The following IL23R variants were observed in gnomAD, a reference collection of about 807,000 sequenced individuals.
The protein encoded by IL23R is interleukin-23 receptor.
Under a neutral mutation model 56.9 loss-of-function variants are expected in IL23R, and 34 were observed. The ratio of observed to expected loss-of-function variants is 0.60; its 90% CI spans 0.45 to 0.80. The LOEUF is 0.80. Among genes scored for constraint, IL23R ranks in the 30% least tolerant of loss-of-function variants. The pLI, the probability that IL23R is intolerant of heterozygous loss-of-function variation, is 0.00. For missense variants in IL23R, 635 were observed against 730.0 expected (o/e 0.87, Z 1.50); for synonymous variants, 230 against 249.2 (o/e 0.92, Z 0.73).
intron 1 of IL23R, among the ~76,000 whole-genome samples, chr1:67,160,391 G>A (rs1646807900): frequency 6.6e-6 from 1 of 152,190 alleles, no homozygotes; most frequent in African/African-American, 2.4e-5. Context: ...ATTGCCAATT[G>A]AATTGTAAAA....
intron 9 of IL23R, among the ~76,000 whole-genome samples, chr1:67,242,265 C>G (rs1029627623): frequency 3.3e-5 from 5 of 152,070 alleles, no homozygotes; most frequent in Admixed American, 2.0e-4. Context: ...ATATATGAAC[C>G]CTTAAAATTT....
chr1:67,245,909 G>T (rs561477209), intron 9 of IL23R, among the ~76,000 whole-genome samples: 34 of 152,264 alleles, frequency 2.2e-4, no homozygotes, highest in African/African-American at 8.2e-4. Flanking sequence ...TTGTACCTCT[G>T]GTAGAATGTG....
chr1:67,223,520 G>A lies in IL23R; in HGVS notation c.955+3790G>A, dbSNP rs142878969. On this transcript the variant is annotated intron_variant, in intron 7 of 10. Transcript: ENST00000347310. The stretch of plus-strand genomic sequence containing the variant: ...CATGAGAAACAGTAAAAGTGTGTTA[G>A]GGAAAGTGCTCATGTTAAATCTCTT... Among the ~76,000 whole-genome samples, 178 of 152,230 alleles carry A rather than the reference G, an allele frequency of 1.2e-3. 1 individual carries two copies. The highest frequency in any genetic ancestry group is 4.1e-3 in the African/African-American group (170 of 41,534).
At chr1:67,245,447 G>T (rs950572306) in intron 9 of IL23R, among the ~76,000 whole-genome samples, 3 of 152,134 alleles carry the variant, frequency 2.0e-5, no homozygotes, top group African/African-American at 7.2e-5. Context: ...CTGTGGGTTT[G>T]TCATAAATAG....
intron 9 of IL23R, among the ~76,000 whole-genome samples, chr1:67,245,936 G>T (rs1246858551): frequency 2.0e-5 from 3 of 152,100 alleles, no homozygotes; most frequent in South Asian, 2.1e-4. Context: ...AATCCGTCTG[G>T]TCCTGGACTT....
intron 9 of IL23R, among the ~76,000 whole-genome samples, chr1:67,248,394 C>G (rs1652383970): frequency 6.6e-6 from 1 of 152,148 alleles, no homozygotes; most frequent in African/African-American, 2.4e-5. Flanking sequence ...CTTTCTTCCA[C>G]TTGATTGACT....
chr1:67,260,019 G>A (rs1230396335), downstream of IL23R: 10 of 148,828 alleles, frequency 6.7e-5, no homozygotes, highest in Admixed American at 4.0e-4. Context: ...TGCAAAGGGA[G>A]AGGCAAGTTT....
At chr1:67,183,362 T>G (rs1647187405) in intron 4 of IL23R, among the ~76,000 whole-genome samples, 2 of 151,946 alleles carry the variant, frequency 1.3e-5, no homozygotes, top group Admixed American at 1.3e-4. Context: ...TGGTGAAACC[T>G]GGTTTCTACT....
intron 3 of IL23R, among the ~76,000 whole-genome samples, chr1:67,176,785 C>G (rs1399480065): frequency 6.6e-6 from 1 of 152,142 alleles, no homozygotes; most frequent in Admixed American, 6.6e-5. Context: ...TCCCTCCCCC[C>G]TCCTCCCACC....
chr1:67,237,962 G>A (rs1651592872), intron 8 of IL23R, among the ~76,000 whole-genome samples: 1 of 152,202 alleles, frequency 6.6e-6, no homozygotes, highest in Non-Finnish European at 1.5e-5. Flanking sequence ...CAAAGCCCCT[G>A]TCTTCATGGA....
At chr1:67,221,534 C>T (rs1017750902) in intron 7 of IL23R, among the ~76,000 whole-genome samples, 3 of 152,052 alleles carry the variant, frequency 2.0e-5, no homozygotes, top group Admixed American at 6.6e-5. Context: ...TTTATTCATG[C>T]CATTCAATAA....
chr1:67,174,981 A>C (rs1192574507), intron 3 of IL23R, among the ~76,000 whole-genome samples: 1 of 151,442 alleles, frequency 6.6e-6, no homozygotes, highest in African/African-American at 2.4e-5. Context: ...AGTGGTTTAG[A>C]AAAAGTGCCT....
At chr1:67,261,027 A>T (rs1653186984), downstream of IL23R, among the ~76,000 whole-genome samples, 1 of 152,220 alleles carries the variant, frequency 6.6e-6, no homozygotes, top group Non-Finnish European at 1.5e-5. Flanking sequence ...AGTTAATTTT[A>T]AAAAGACTCA....
chr1:67,201,559 A>C (rs549391162), intron 5 of IL23R, among the ~76,000 whole-genome samples: 191 of 151,878 alleles, frequency 1.3e-3, no homozygotes, highest in African/African-American at 4.2e-3. Context: ...GGCAAAAAAA[A>C]AAAAAACAAA....
chr1:67,156,261 G>A (rs1348430326), intron 1 of IL23R, among the ~76,000 whole-genome samples: 1 of 152,180 alleles, frequency 6.6e-6, no homozygotes. Flanking sequence ...AAGTCAGGAG[G>A]CACAGGGGTC....
intron 9 of IL23R, among the ~76,000 whole-genome samples, chr1:67,247,861 C>T (rs1396141593): frequency 6.6e-6 from 1 of 152,092 alleles, no homozygotes; most frequent in East Asian, 1.9e-4. Context: ...TTTATTTCTC[C>T]TTCGCTTATG....
chr1:67,162,787 A>G (rs1054809503), upstream of IL23R, among the ~76,000 whole-genome samples: 1 of 152,260 alleles, frequency 6.6e-6, no homozygotes, highest in Non-Finnish European at 1.5e-5. Flanking sequence ...GCAATGCACT[A>G]CATGAGATTT....
intron 4 of IL23R, among the ~76,000 whole-genome samples, chr1:67,186,329 A>G (rs56920441): frequency 0.32 from 48,894 of 151,980 alleles, 8,041 homozygotes; most frequent in Admixed American, 0.44. Context: ...TCTTTCTTTT[A>G]TTTTTAATAT....
chr1:67,209,082 C>A, intron 6 of IL23R, among the ~76,000 whole-genome samples: 1 of 152,094 alleles, frequency 6.6e-6, no homozygotes, highest in Admixed American at 6.6e-5. Flanking sequence ...GCGCTGTAAC[C>A]CCTTTGTTTT....
Sources: allele counts gnomAD v4.1 joint callset (sites outside exome capture counted in the v4.1 genomes callset), GRCh38; gene constraint gnomAD v4.1.1; transcripts MANE v1.5; gene names NCBI Gene and HGNC (gene_info 2026-07-23, HGNC 2026-07-21).